ASB3: variants seen among roughly 807,000 people sequenced by gnomAD.
The protein encoded by ASB3 is ankyrin repeat and SOCS box protein 3.
In ASB3, 41 loss-of-function variants were observed where a neutral mutation model predicts 54.5. The observed-to-expected ratio is 0.75, with a 90% CI of 0.59 to 0.98. ASB3 has a LOEUF of 0.98. Among genes scored for constraint, ASB3 ranks in the 50% least tolerant of loss-of-function variants. ASB3 has a pLI of 0.00. For synonymous variants in ASB3, 266 were observed against 221.2 expected (o/e 1.20, Z -1.80); for missense variants, 733 against 620.0 (o/e 1.18, Z -1.94).
In ASB3 at chr2:53,707,961, CAA is replaced by C. The variant is rs199571236; in HGVS notation, c.980+6421_980+6422del. Among the ~76,000 whole-genome samples the C allele has an allele frequency of 2.4e-3, 276 of 113,770 alleles. 2 individuals are homozygous for C. Among genetic ancestry groups the C allele is most frequent in the African/African-American group, 4.6e-3 (144 of 31,590 alleles). The allele number at this position is 113,770 out of a possible 152,430, so 74.6% of individuals were successfully genotyped here. A position where few individuals can be genotyped will look rare whatever the true frequency, so the allele number is the denominator to read the frequency against. On this transcript the variant is annotated intron_variant, in intron 7 of 9. Transcript: ENST00000263634. The stretch of plus-strand genomic sequence containing the variant: ...TGGGTGATAGAGTCAGACTCTGTCT[CAA>C]AAAAAAAAAAAAAAGAAAGAAAGAA...
At chr2:53,687,624 C>A (rs575537929) in intron 9 of ASB3, among the ~76,000 whole-genome samples, 11 of 152,158 alleles carry the variant, frequency 7.2e-5, no homozygotes, top group African/African-American at 2.7e-4. Context: ...ACAGTTTAAC[C>A]CATATATTTT....
chr2:53,690,046 G>A (rs557950518), intron 9 of ASB3, among the ~76,000 whole-genome samples: 6 of 151,732 alleles, frequency 4.0e-5, no homozygotes, highest in Admixed American at 1.3e-4. Context: ...GAGCAGCCCG[G>A]GTAACATGGC....
intron 3 of ASB3, among the ~76,000 whole-genome samples, chr2:53,745,678 G>C (rs1672183174): frequency 6.6e-6 from 1 of 152,146 alleles, no homozygotes. Flanking sequence ...ATAGCCTCTA[G>C]CAATAGGCTA....
Position 53,693,991 on chromosome 2 carries a change from G to A in ASB3, c.1262C>T (p.Thr421Ile), listed in dbSNP as rs780389827. The change falls in exon 9 of 10, where the codon ACC (threonine) becomes ATC (isoleucine). Residue 421 changes from threonine (T) to isoleucine (I), a missense_variant. Physicochemically the swap from Thr to Ile is moderately conservative, Grantham distance 89. Transcript: ENST00000263634. ...AGTAAACTCCAAAGTGAAGATAAGG[G>A]TGTCAATGCTGACTGAGTCAATCCT... is the stretch of plus-strand genomic sequence containing the variant. ...NSWIDSVSID[T>I]LIFTLEFTNW... 6.2e-7 allele frequency: 1 copy of A among 1,613,362 alleles called. No homozygotes were observed. The highest frequency in any genetic ancestry group is 1.7e-5 in the Admixed American group (1 of 59,948).
intron 5 of ASB3, among the ~76,000 whole-genome samples, chr2:53,723,045 A>G (rs765069373): frequency 2.0e-5 from 3 of 152,092 alleles, no homozygotes; most frequent in East Asian, 1.9e-4. Context: ...TACATCAACA[A>G]TGTTCAAGCT....
At chr2:53,755,147 C>T (rs1340034350) in intron 2 of ASB3, among the ~76,000 whole-genome samples, 1 of 152,192 alleles carries the variant, frequency 6.6e-6, no homozygotes, top group African/African-American at 2.4e-5. Flanking sequence ...AATGGACAAA[C>T]ACAATGAGCA....
chr2:53,728,677 A>T (rs1052547148), intron 5 of ASB3, 35 bp downstream of exon 5: 1 of 1,468,994 alleles, frequency 6.8e-7, no homozygotes. Context: ...AAAGCTCATG[A>T]TCTTAACAGT....
Position 53,728,736 on chromosome 2 carries a change from T to A in ASB3, c.580A>T (p.Ser194Cys). 6.2e-7 allele frequency: 1 copy of A among 1,609,186 alleles called. No homozygotes were observed. The highest frequency in any genetic ancestry group is 1.7e-4 in the Middle Eastern group (1 of 6,032). The change falls in exon 5 of 10, where the codon AGC becomes TGC. Residue 194 changes from serine to cysteine, a missense_variant. Ser to Cys is a moderately radical substitution (Grantham distance 112). Transcript: ENST00000263634. ...CCCGATGAAATAAGTATGCTCAAGC[T>A]TTCTAGCTTGCCATACTGAGCAGCC... ...FVAAQYGKLE[S>C]LSILISSGAN...
intron 1 of ASB3, among the ~76,000 whole-genome samples, chr2:53,780,870 A>G (rs1255529183): frequency 1.3e-5 from 2 of 152,258 alleles, no homozygotes; most frequent in Admixed American, 1.3e-4. Context: ...CTTCATAGAA[A>G]AAACAAAAAG....
chr2:53,709,132 C>T (rs1669951699), intron 7 of ASB3, among the ~76,000 whole-genome samples: 1 of 152,230 alleles, frequency 6.6e-6, no homozygotes, highest in East Asian at 1.9e-4. Flanking sequence ...TTACCCATCA[C>T]AGGCCCAGAG....
intron 9 of ASB3, among the ~76,000 whole-genome samples, chr2:53,689,770 TACCCTACC>T (rs1466440066): frequency 6.6e-6 from 1 of 152,212 alleles, no homozygotes; most frequent in East Asian, 1.9e-4. Context: ...CTGGAGTACT[TACCCTACC>T]ACAGATCAAC....
At chr2:53,718,367 A>G (rs1020044223) in intron 5 of ASB3, among the ~76,000 whole-genome samples, 5 of 152,220 alleles carry the variant, frequency 3.3e-5, no homozygotes, top group Non-Finnish European at 7.3e-5. Flanking sequence ...TATTTTCAGC[A>G]TTCTTAAAGA....
At chr2:53,733,809 AG>A (rs1193349764) in intron 3 of ASB3, among the ~76,000 whole-genome samples, 2 of 152,210 alleles carry the variant, frequency 1.3e-5, no homozygotes, top group African/African-American at 4.8e-5. Context: ...GTGGGAAATC[AG>A]GGGTCTCACA....
chr2:53,716,679 T>C lies in ASB3; in HGVS notation c.669A>G (p.Gly223=), dbSNP rs371904165. The part of the protein sequence containing the change: ...ATPLFIAAQE[G]HTKCVELLLS... ...GCAAAAGCTCCACACATTTTGTGTGTCCCTCTTGAGCAGCAATGAACAAGG... is the reference window on the plus strand; with the variant it reads ...GCAAAAGCTCCACACATTTTGTGTGCCCCTCTTGAGCAGCAATGAACAAGG... Residue 223 remains glycine (G), a synonymous_variant, in exon 6 of 10, where the codon GGA becomes GGG. Coordinates refer to ENST00000263634, the MANE Select transcript of ASB3 (RefSeq NM_016115.5). 1 of 1,614,024 alleles carries C rather than the reference T, an allele frequency of 6.2e-7. No homozygotes were observed. Among genetic ancestry groups the C allele is most frequent in the Non-Finnish European group, 8.5e-7 (1 of 1,180,010 alleles).
chr2:53,700,670 T>A (rs1006659794), intron 7 of ASB3, 142 bp from the exon 8 acceptor site: 45 of 1,246,218 alleles, frequency 3.6e-5, no homozygotes, highest in Non-Finnish European at 4.8e-5. Context: ...ATCTAGTGGA[T>A]TGAGATTAGA....
At chr2:53,720,601 G>A (rs1429784799) in intron 5 of ASB3, among the ~76,000 whole-genome samples, 1 of 152,170 alleles carries the variant, frequency 6.6e-6, no homozygotes, top group African/African-American at 2.4e-5. Flanking sequence ...CATAAAACAA[G>A]CTCTTAGAGA....
chr2:53,731,408 A>AAAAACAAAAC (rs113452828), intron 3 of ASB3, among the ~76,000 whole-genome samples: 3 of 151,600 alleles, frequency 2.0e-5, no homozygotes, highest in South Asian at 2.1e-4. Context: ...CTCCATCTCA[A>AAAAACAAAAC]AAAACAAAAC....
intron 1 of ASB3, among the ~76,000 whole-genome samples, chr2:53,780,958 T>G (rs1332981227): frequency 6.6e-6 from 1 of 152,254 alleles, no homozygotes; most frequent in East Asian, 1.9e-4. Context: ...AAGTGCTTTA[T>G]GTATATTAAC....
chr2:53,679,568 C>A (rs957717456), intron 9 of ASB3, among the ~76,000 whole-genome samples: 1 of 152,128 alleles, frequency 6.6e-6, no homozygotes, highest in African/African-American at 2.4e-5. Flanking sequence ...CAAATTATCC[C>A]TTTTATCTCT....
Sources: gnomAD v4.1 joint callset for allele counts (sites outside exome capture counted in the v4.1 genomes callset) on GRCh38, gnomAD v4.1.1 for gene constraint, MANE v1.5 for transcripts, NCBI Gene and HGNC (gene_info 2026-07-23, HGNC 2026-07-21) for gene names.